Variants in NBAS observed in about 807,000 individuals in gnomAD.
The protein encoded by NBAS is NAG/BC035112 fusion.
In NBAS, 219 loss-of-function variants were observed where a neutral mutation model predicts 302.5. That is an observed-to-expected ratio of 0.72 (90% CI 0.65 to 0.81). The LOEUF (loss-of-function observed/expected upper bound fraction) is 0.81. NBAS is among the 30% of genes least tolerant of loss of function. The pLI, the probability that NBAS is intolerant of heterozygous loss-of-function variation, is 0.00. For synonymous variants in NBAS, 1,118 were observed against 1,021.6 expected (o/e 1.09, Z -1.80); for missense variants, 2,932 against 2,841.6 (o/e 1.03, Z -0.72).
chr2:15,167,429 T>C (rs745349882), intron 51 of NBAS, 106 bp from the exon 52 acceptor site: 16 of 1,428,706 alleles, frequency 1.1e-5, no homozygotes, highest in Middle Eastern at 2.2e-4. Context: ...ATTCATGCCC[T>C]GGCCTGGGTT....
intron 21 of NBAS, among the ~76,000 whole-genome samples, chr2:15,435,213 G>T (rs2148499479): frequency 6.6e-6 from 1 of 152,306 alleles, no homozygotes; most frequent in Admixed American, 6.5e-5. Flanking sequence ...AGAGAGGAAA[G>T]AATACTTTTA....
At chr2:15,314,017 T>A (rs1468848531) in intron 38 of NBAS, among the ~76,000 whole-genome samples, 1 of 152,158 alleles carries the variant, frequency 6.6e-6, no homozygotes, top group Non-Finnish European at 1.5e-5. Flanking sequence ...CAGACAGCCC[T>A]CCTACAGATT....
Position 15,468,387 on chromosome 2 carries a change from A to G in NBAS, c.1872T>C (p.Asp624=). 1 of 1,614,032 alleles carries G rather than the reference A, an allele frequency of 6.2e-7. No homozygotes were observed. Among genetic ancestry groups the G allele is most frequent in the Non-Finnish European group, 8.5e-7 (1 of 1,179,932 alleles). ...ALLAIGKGAD[D]GRFTLPGEID... ...CAATTCTTTCTGTAACCAACCTGCC[A>G]TCATCTGCTCCTTTCCCTATTGCTA... The change falls in exon 17 of 52, where the codon GAT becomes GAC. Residue 624 remains aspartate (D), a synonymous_variant. Transcript: ENST00000281513.
intron 35 of NBAS, among the ~76,000 whole-genome samples, chr2:15,331,725 T>C (rs181360890): frequency 6.6e-6 from 1 of 152,322 alleles, no homozygotes; most frequent in Admixed American, 6.5e-5. Context: ...AAACTCACTC[T>C]TTTAGATCAA....
intron 6 of NBAS, among the ~76,000 whole-genome samples, chr2:15,543,968 C>T (rs1663980567): frequency 6.6e-6 from 1 of 152,188 alleles, no homozygotes; most frequent in Admixed American, 6.6e-5. Context: ...CACCCAAATT[C>T]TCAAGGAGCA....
At chr2:14,805,496 CCTAT>C in the NBAS span, among the ~76,000 whole-genome samples, 1 of 152,216 alleles carries the variant, frequency 6.6e-6, no homozygotes, top group African/African-American at 2.4e-5. Flanking sequence ...AGTGATATGG[CCTAT>C]CTTTTAAGTA....
chr2:15,110,229 C>T, the NBAS span, among the ~76,000 whole-genome samples: 1 of 152,012 alleles, frequency 6.6e-6, no homozygotes, highest in Non-Finnish European at 1.5e-5. Flanking sequence ...GAGACAAAGG[C>T]TGATGGCAAG....
chr2:15,315,683 A>C (rs1572641751), intron 38 of NBAS, among the ~76,000 whole-genome samples: 1 of 152,214 alleles, frequency 6.6e-6, no homozygotes, highest in South Asian at 2.1e-4. Flanking sequence ...AGGATTTGAG[A>C]TGGAAAGGAA....
chr2:15,308,269 T>A lies in NBAS; in HGVS notation c.4744A>T (p.Ile1582Phe). The A allele has an allele frequency of 6.2e-7, 1 of 1,614,152 alleles. No homozygotes were observed. The highest frequency in any genetic ancestry group is 8.5e-7 in the Non-Finnish European group (1 of 1,180,032). Reference protein sequence around the residue: ...QLAAYYYSLQIYARLAPCFRD... With the variant: ...QLAAYYYSLQFYARLAPCFRD... ...AAACATGGGGCCAATCGGGCATAGA[T>A]CTGGAGGCTATAGTAATACGCTGCC... Residue 1582 changes from isoleucine to phenylalanine, a missense_variant, in exon 40 of 52, where the codon ATC becomes TTC. Coordinates refer to ENST00000281513, the MANE Select transcript of NBAS (RefSeq NM_015909.4).
At chr2:15,105,550 G>T in the NBAS span, among the ~76,000 whole-genome samples, 1 of 151,966 alleles carries the variant, frequency 6.6e-6, no homozygotes, top group Admixed American at 6.6e-5. Flanking sequence ...ATCCTTAGAA[G>T]TTCATTTCTA....
At chr2:15,241,919 C>T (rs4668888) in intron 44 of NBAS, among the ~76,000 whole-genome samples, 16,584 of 152,216 alleles carry the variant, frequency 0.11, 1,169 homozygotes, top group East Asian at 0.3. Flanking sequence ...TACAGCCACA[C>T]TGACTCTTTG....
At chr2:15,040,886 G>C in the NBAS span, among the ~76,000 whole-genome samples, 1 of 152,210 alleles carries the variant, frequency 6.6e-6, no homozygotes, top group Admixed American at 6.5e-5. Context: ...GGTTATCTCT[G>C]CCTTCCTGTG....
chr2:15,110,364 G>T, the NBAS span, among the ~76,000 whole-genome samples: 1 of 152,156 alleles, frequency 6.6e-6, no homozygotes, highest in Non-Finnish European at 1.5e-5. Context: ...CCAGGAAAGT[G>T]ATGTGCAAGA....
At chr2:14,933,219 T>C in the NBAS span, among the ~76,000 whole-genome samples, 1 of 152,328 alleles carries the variant, frequency 6.6e-6, no homozygotes, top group Admixed American at 6.5e-5. Context: ...CCCAGACCAA[T>C]GTTCTTTTCA....
rs548311116 is a variant in NBAS at position 15,185,267 on chromosome 2, T to C, written c.6711+1475A>G. Among the ~76,000 whole-genome samples the C allele has an allele frequency of 3.9e-5, 6 of 152,260 alleles. No individual in the cohort carries two copies. The South Asian group carries it at 1.2e-3, about 32-fold the overall frequency. On this transcript the variant is annotated intron_variant, in intron 50 of 51. Coordinates refer to ENST00000281513, the MANE Select transcript of NBAS (RefSeq NM_015909.4). ...GTGGTGAAGGTTAAAGGAGGCAATA[T>C]AGATGAAAGCCCAAGAGTGTTAGCA...
the NBAS span, among the ~76,000 whole-genome samples, chr2:14,847,273 C>T: frequency 6.7e-6 from 1 of 149,520 alleles, no homozygotes; most frequent in Non-Finnish European, 1.5e-5. Flanking sequence ...GTCCCAGCTA[C>T]TTGGGAGGCT....
the NBAS span, among the ~76,000 whole-genome samples, chr2:14,854,573 C>T: frequency 5.4e-3 from 823 of 152,080 alleles, 6 homozygotes; most frequent in Non-Finnish European, 6.1e-3. Flanking sequence ...TTGCAGACCC[C>T]GCTCCTCCCC....
intron 32 of NBAS, among the ~76,000 whole-genome samples, 191 bp from the exon 33 acceptor site, chr2:15,356,607 C>T (rs951868815): frequency 6.6e-6 from 1 of 152,120 alleles, no homozygotes; most frequent in African/African-American, 2.4e-5. Context: ...CATCAGTCTC[C>T]TAAGAGATCA....
the NBAS span, among the ~76,000 whole-genome samples, chr2:15,117,836 G>T: frequency 0.14 from 21,198 of 151,962 alleles, 2,852 homozygotes; most frequent in African/African-American, 0.34. Flanking sequence ...ACCCTCAGCC[G>T]GTCCCACATT....
Sources: gnomAD v4.1 joint callset for allele counts (sites outside exome capture counted in the v4.1 genomes callset) on GRCh38, gnomAD v4.1.1 for gene constraint, MANE v1.5 for transcripts, NCBI Gene and HGNC (gene_info 2026-07-23, HGNC 2026-07-21) for gene names.